Variants in SLC14A2 observed in about 807,000 individuals in gnomAD.
The protein encoded by SLC14A2 is solute carrier family 14 member 2, also known as urea transporter 2.
In SLC14A2, 91 loss-of-function variants were observed where a neutral mutation model predicts 104.6. The observed-to-expected ratio is 0.87, with a 90% CI of 0.73 to 1.04. The LOEUF (loss-of-function observed/expected upper bound fraction) is 1.04, where lower values mean the gene tolerates loss of function less well. SLC14A2 is among the 50% of genes least tolerant of loss of function. The probability of loss-of-function intolerance (pLI) is 0.00; values close to 1 mark genes in which losing one functional copy is unlikely to be tolerated. For missense variants in SLC14A2, 1,189 were observed against 1,156.0 expected, an observed-to-expected ratio of 1.03 and a Z score of -0.41; for synonymous variants, 476 against 466.4, an observed-to-expected ratio of 1.02 and a Z score of -0.27.
intron 1 of SLC14A2, among the ~76,000 whole-genome samples, chr18:45,240,670 C>G (rs192871109): frequency 3.0e-4 from 44 of 147,526 alleles, no homozygotes; most frequent in Non-Finnish European, 4.0e-4. Flanking sequence ...TTGGTTTTGC[C>G]TTTTTGAGAC....
chr18:45,269,752 A>G (rs2084631336), intron 1 of SLC14A2, among the ~76,000 whole-genome samples: 2 of 152,202 alleles, frequency 1.3e-5, no homozygotes, highest in Admixed American at 1.3e-4. Flanking sequence ...AAAGGGGGGA[A>G]CATCAGAGCA....
chr18:45,354,996 A>T (rs2085537969), intron 1 of SLC14A2, among the ~76,000 whole-genome samples: 1 of 152,302 alleles, frequency 6.6e-6, no homozygotes, highest in African/African-American at 2.4e-5. Context: ...GAACTGAGGA[A>T]AGATAAAATT....
intron 1 of SLC14A2, among the ~76,000 whole-genome samples, chr18:45,271,950 C>T (rs947543816): frequency 6.6e-6 from 1 of 151,982 alleles, no homozygotes; most frequent in African/African-American, 2.4e-5. Flanking sequence ...TAAAAATAGG[C>T]ACATAAACTA....
the SLC14A2 span, among the ~76,000 whole-genome samples, chr18:45,171,672 CTCTGA>C: frequency 6.6e-6 from 1 of 152,164 alleles, no homozygotes; most frequent in Non-Finnish European, 1.5e-5. Flanking sequence ...GGAACCAGAA[CTCTGA>C]TCTAATTCTC....
intron 1 of SLC14A2, among the ~76,000 whole-genome samples, chr18:45,481,221 T>C (rs1057500130): frequency 3.3e-5 from 5 of 152,060 alleles, no homozygotes; most frequent in Admixed American, 6.6e-5. Flanking sequence ...CCCTCTCTCC[T>C]CCCTCTTTGT....
intron 2 of SLC14A2, among the ~76,000 whole-genome samples, chr18:45,604,782 A>T (rs2044842538): frequency 6.6e-6 from 1 of 152,230 alleles, no homozygotes; most frequent in African/African-American, 2.4e-5. Flanking sequence ...ATGTCAATGA[A>T]TGTAAATCCT....
At chr18:45,548,261 T>C (rs1163346877) in intron 2 of SLC14A2, among the ~76,000 whole-genome samples, 1 of 152,214 alleles carries the variant, frequency 6.6e-6, no homozygotes, top group Non-Finnish European at 1.5e-5. Context: ...GGCCTGAGGC[T>C]ACCAGAAAGA....
At chr18:45,244,645 G>A (rs1344910133) in intron 1 of SLC14A2, among the ~76,000 whole-genome samples, 1 of 151,994 alleles carries the variant, frequency 6.6e-6, no homozygotes, top group African/African-American at 2.4e-5. Flanking sequence ...AGGAGTGGGG[G>A]GGTGGGGGAG....
At chr18:45,631,407 C>G (rs2045343952) in intron 4 of SLC14A2, among the ~76,000 whole-genome samples, 1 of 152,218 alleles carries the variant, frequency 6.6e-6, no homozygotes. Context: ...TTAGAAAGGT[C>G]AAGGACAGTG....
intron 1 of SLC14A2, among the ~76,000 whole-genome samples, chr18:45,421,878 A>C (rs1225719886): frequency 3.3e-5 from 5 of 152,208 alleles, no homozygotes; most frequent in African/African-American, 1.2e-4. Context: ...GCCTGGACAA[A>C]AGTGCATCAG....
intron 18 of SLC14A2, among the ~76,000 whole-genome samples, chr18:45,678,275 G>A (rs914678975): frequency 6.6e-6 from 1 of 152,172 alleles, no homozygotes; most frequent in African/African-American, 2.4e-5. Flanking sequence ...CGATAATAGT[G>A]CTTACACTGT....
At chr18:45,225,233 A>G (rs2084102917) in intron 1 of SLC14A2, among the ~76,000 whole-genome samples, 1 of 151,826 alleles carries the variant, frequency 6.6e-6, no homozygotes, top group African/African-American at 2.4e-5. Context: ...TCCCAGCACC[A>G]TTTATTAAAT....
At chr18:45,287,829 C>T (rs757098169) in intron 1 of SLC14A2, among the ~76,000 whole-genome samples, 6 of 152,202 alleles carry the variant, frequency 3.9e-5, no homozygotes, top group South Asian at 2.1e-4. Context: ...CTGATACCAG[C>T]GGCTGTGGAT....
At chr18:45,318,181 C>G (rs1010458957) in intron 1 of SLC14A2, among the ~76,000 whole-genome samples, 1 of 152,168 alleles carries the variant, frequency 6.6e-6, no homozygotes, top group Non-Finnish European at 1.5e-5. Context: ...CTCCAAGCAC[C>G]GGGGAGACGG....
intron 10 of SLC14A2, among the ~76,000 whole-genome samples, chr18:45,662,465 G>T (rs1021662531): frequency 6.6e-6 from 1 of 152,178 alleles, no homozygotes; most frequent in African/African-American, 2.4e-5. Context: ...ACACGAATCA[G>T]CTGGAGATCT....
chr18:45,187,860 T>C, the SLC14A2 span, among the ~76,000 whole-genome samples: 1 of 152,196 alleles, frequency 6.6e-6, no homozygotes, highest in Non-Finnish European at 1.5e-5. Flanking sequence ...ATGTATCTTT[T>C]GAGGTGAGAT....
chr18:45,287,721 C>A (rs1357406999), intron 1 of SLC14A2, among the ~76,000 whole-genome samples: 1 of 152,188 alleles, frequency 6.6e-6, no homozygotes, highest in African/African-American at 2.4e-5. Context: ...GCTTCCAGGG[C>A]CTTTGGATCG....
At chr18:45,680,318 C>A (rs1003686849) in intron 19 of SLC14A2, among the ~76,000 whole-genome samples, 1 of 152,216 alleles carries the variant, frequency 6.6e-6, no homozygotes, top group Admixed American at 6.5e-5. Flanking sequence ...ACTGGCCTTT[C>A]TCTCTGTTTT....
chr18:45,582,311 T>C (rs1056225641), intron 2 of SLC14A2, among the ~76,000 whole-genome samples: 5 of 152,274 alleles, frequency 3.3e-5, no homozygotes, highest in South Asian at 2.1e-4. Flanking sequence ...AAAATGATAT[T>C]GGGCTAGAGA....
Sources: allele counts gnomAD v4.1 joint callset (sites outside exome capture counted in the v4.1 genomes callset), GRCh38; gene constraint gnomAD v4.1.1; transcripts MANE v1.5; gene names NCBI Gene and HGNC (gene_info 2026-07-23, HGNC 2026-07-21).